MBNL2: variants seen among roughly 807,000 people sequenced by gnomAD.
MBNL2 encodes muscleblind like splicing regulator 2, also known as muscleblind-like protein 2.
Under a neutral mutation model 41.9 loss-of-function variants are expected in MBNL2, and 17 were observed. The ratio of observed to expected loss-of-function variants is 0.41; its 90% CI spans 0.28 to 0.61. MBNL2 has a LOEUF of 0.61. Among genes scored for constraint, MBNL2 ranks in the 20% least tolerant of loss-of-function variants. The pLI is 0.35. For missense variants in MBNL2, 336 were observed against 505.6 expected (o/e 0.66, Z 3.22); for synonymous variants, 195 against 182.9 (o/e 1.07, Z -0.53).
intron 1 of MBNL2, among the ~76,000 whole-genome samples, chr13:97,242,096 C>T (rs954307750): frequency 5.3e-5 from 8 of 152,132 alleles, no homozygotes; most frequent in Non-Finnish European, 1.0e-4. Flanking sequence ...TCTCCCTCAA[C>T]CCTGGGCTAG....
At position 97,334,176 on chromosome 13, in the gene MBNL2, A is replaced by ACACACACAC; in HGVS notation, c.175-100_175-99insCACACACAC. 1.2e-6 allele frequency: 1 copy of ACACACACAC among 868,300 alleles called. No homozygotes were observed. The highest frequency in any genetic ancestry group is 1.8e-6 in the Non-Finnish European group (1 of 553,012). The allele number at this position is 868,300 out of a possible 1,614,324, so 53.8% of individuals were successfully genotyped here. On this transcript the variant is annotated intron_variant, in intron 2 of 8. Coordinates refer to ENST00000679496, the MANE Select transcript of MBNL2 (RefSeq NM_001382683.1). This position sits in a 1 kb window ranked among gnomAD's most constrained non-coding sequence, Gnocchi z 5.3. ...CACACACACACACACACACACACACAGGATCCTTGCTTTTGTGCATAAGAA... is the reference window on the plus strand; with the variant it reads ...CACACACACACACACACACACACACACACACACACGGATCCTTGCTTTTGTGCATAAGAA...
rs2061926308 is a variant in MBNL2 at position 97,346,860 on chromosome 13, T to C, written c.597T>C (p.Phe199=). 1 of 1,613,922 alleles carries C rather than the reference T, an allele frequency of 6.2e-7. No individual in the cohort carries two copies. Among genetic ancestry groups the C allele is most frequent in the African/African-American group, 1.3e-5 (1 of 74,916 alleles). ...NCARGETDCR[F]AHPADSTMID... Reference sequence around the variant, plus strand: ...CCCGGGGAGAGACCGACTGCCGCTTTGCACACCCCGCAGACAGCACCATGA... The same window carrying C: ...CCCGGGGAGAGACCGACTGCCGCTTCGCACACCCCGCAGACAGCACCATGA... The change falls in exon 5 of 9, where the codon TTT becomes TTC. Residue 199 remains phenylalanine, a synonymous_variant. Coordinates refer to ENST00000679496, the MANE Select transcript of MBNL2 (RefSeq NM_001382683.1). The surrounding 1 kb of genome is among the most constrained non-coding windows in gnomAD (Gnocchi z 4.2).
intron 1 of MBNL2, among the ~76,000 whole-genome samples, chr13:97,229,147 T>C (rs527531151): frequency 1.3e-5 from 2 of 148,402 alleles, no homozygotes; most frequent in Non-Finnish European, 3.0e-5. Context: ...GCATCCTAGA[T>C]GCAAGCTTCA....
At chr13:97,148,191 G>C in the MBNL2 span, among the ~76,000 whole-genome samples, 1 of 152,138 alleles carries the variant, frequency 6.6e-6, no homozygotes, top group South Asian at 2.1e-4. Flanking sequence ...CCTCTGGGAA[G>C]GAAATTTCAA....
rs550386036 is a variant in MBNL2 at position 97,334,722 on chromosome 13, G to A, written c.339+282G>A. ...CTCTCTATCTCAGCCATCTTAGAAC[G>A]GAAATAGTTTTAACATGTTCATTTA... is the stretch of plus-strand genomic sequence containing the variant. On this transcript the variant is annotated intron_variant, in intron 3 of 8. Transcript: ENST00000679496. This position sits in a 1 kb window ranked among gnomAD's most constrained non-coding sequence, Gnocchi z 5.3. Among the ~76,000 whole-genome samples the A allele has an allele frequency of 7.2e-5, 11 of 152,204 alleles. No individual in the cohort carries two copies. In the South Asian group the frequency reaches 8.3e-4, roughly 11 times the overall value.
chr13:97,253,198 C>T (rs1323134532), intron 1 of MBNL2, among the ~76,000 whole-genome samples: 1 of 152,152 alleles, frequency 6.6e-6, no homozygotes, highest in Admixed American at 6.5e-5. Context: ...TTGATATATA[C>T]ATTTAAAATA....
intron 4 of MBNL2, among the ~76,000 whole-genome samples, chr13:97,344,118 T>C: frequency 6.6e-6 from 1 of 152,238 alleles, no homozygotes; most frequent in Non-Finnish European, 1.5e-5. Context: ...TAAATTTAGT[T>C]ATTAATTGAG....
chr13:97,293,606 G>T (rs2056544676), intron 2 of MBNL2, among the ~76,000 whole-genome samples: 1 of 152,112 alleles, frequency 6.6e-6, no homozygotes, highest in South Asian at 2.1e-4. Context: ...ACCTGCCAGA[G>T]AATTATGGTG....
intron 5 of MBNL2, among the ~76,000 whole-genome samples, chr13:97,351,039 T>C (rs996779181): frequency 1.3e-5 from 2 of 152,240 alleles, no homozygotes; most frequent in Non-Finnish European, 2.9e-5. Context: ...TAAGACTTGA[T>C]AGTTGAAATA....
chr13:97,359,114 TC>T (rs1161197164), intron 7 of MBNL2, among the ~76,000 whole-genome samples: 2 of 152,228 alleles, frequency 1.3e-5, no homozygotes, highest in African/African-American at 2.4e-5. Context: ...ATTAGTGACA[TC>T]CCAGTGCTGT....
At chr13:97,269,162 TTAGGG>T (rs1474601330) in intron 1 of MBNL2, among the ~76,000 whole-genome samples, 1 of 152,084 alleles carries the variant, frequency 6.6e-6, no homozygotes, top group East Asian at 1.9e-4. Flanking sequence ...AAGGAGCTAA[TTAGGG>T]TAGGATTGTT....
the MBNL2 span, among the ~76,000 whole-genome samples, chr13:97,153,508 AT>A: frequency 6.6e-6 from 1 of 152,180 alleles, no homozygotes; most frequent in South Asian, 2.1e-4. Context: ...GATTGTTGGG[AT>A]TTTTAAAAAA....
the MBNL2 span, among the ~76,000 whole-genome samples, chr13:97,215,912 A>G: frequency 2.0e-5 from 3 of 152,208 alleles, no homozygotes; most frequent in African/African-American, 7.2e-5. Flanking sequence ...GTTGATAATG[A>G]TAATAGTAGC....
chr13:97,162,759 G>A, the MBNL2 span, among the ~76,000 whole-genome samples: 19 of 152,216 alleles, frequency 1.2e-4, no homozygotes, highest in Non-Finnish European at 2.5e-4. Context: ...TCACAGGAGT[G>A]TAAACCTATG....
the MBNL2 span, among the ~76,000 whole-genome samples, chr13:97,185,895 T>A: frequency 6.6e-6 from 1 of 152,202 alleles, no homozygotes; most frequent in Admixed American, 6.5e-5. Context: ...CCCATGACTT[T>A]CCTCTGGTGG....
At chr13:97,161,009 A>G in the MBNL2 span, among the ~76,000 whole-genome samples, 5 of 152,294 alleles carry the variant, frequency 3.3e-5, no homozygotes, top group East Asian at 5.8e-4. Context: ...TGGCCTATGG[A>G]CAACAGCATC....
chr13:97,318,456 G>A (rs928457247), intron 2 of MBNL2, among the ~76,000 whole-genome samples: 4 of 152,094 alleles, frequency 2.6e-5, no homozygotes, highest in African/African-American at 4.8e-5. Flanking sequence ...CCTCTCAAAT[G>A]TTTGTCTGAG....
At chr13:97,217,683 A>G (rs930617716), upstream of MBNL2, among the ~76,000 whole-genome samples, 2 of 152,216 alleles carry the variant, frequency 1.3e-5, no homozygotes. Flanking sequence ...GGAGGGTGAA[A>G]GAAGATAGTT....
chr13:97,365,311 G>A (rs1242498875), intron 8 of MBNL2, 140 bp downstream of exon 8: 1 of 669,226 alleles, frequency 1.5e-6, no homozygotes, highest in East Asian at 2.6e-5. Context: ...TAACATATAG[G>A]TTTTTAAAAA....
Sources: allele counts gnomAD v4.1 joint callset (sites outside exome capture counted in the v4.1 genomes callset), GRCh38; gene constraint gnomAD v4.1.1; non-coding constraint Gnocchi (gnomAD v3.1); transcripts MANE v1.5; gene names NCBI Gene and HGNC (gene_info 2026-07-23, HGNC 2026-07-21).